ZC3H12B: variants seen among roughly 807,000 people sequenced by gnomAD.
ZC3H12B encodes the protein zinc finger CCCH-type containing 12B, also known as probable ribonuclease ZC3H12B.
ZC3H12B carries 7 observed loss-of-function variants against 43.9 expected under a neutral mutation model. The ratio of observed to expected loss-of-function variants is 0.16; its 90% CI spans 0.09 to 0.30. ZC3H12B has a LOEUF of 0.30. ZC3H12B is among the 10% of genes least tolerant of loss of function. The pLI, the probability that ZC3H12B is intolerant of heterozygous loss-of-function variation, is 1.00. For missense variants in ZC3H12B, 475 were observed against 670.2 expected, an observed-to-expected ratio of 0.71 and a Z score of 3.22; for synonymous variants, 222 against 241.7, an observed-to-expected ratio of 0.92 and a Z score of 0.76.
At chrX:65,496,128 CT>C (rs2068276930) in intron 1 of ZC3H12B, among the ~76,000 whole-genome samples, 1 of 112,114 alleles carries the variant, frequency 8.9e-6, no homozygotes, top group Non-Finnish European at 1.9e-5. Context: ...TTTTTCTAAG[CT>C]TATACATAGG....
the ZC3H12B span, among the ~76,000 whole-genome samples, chrX:65,168,131 C>T: frequency 1.8e-5 from 2 of 111,532 alleles, no homozygotes; most frequent in East Asian, 5.6e-4. Flanking sequence ...AAAGGGAATG[C>T]TTCCAGTTTT....
chrX:65,171,759 G>A, the ZC3H12B span, among the ~76,000 whole-genome samples: 1 of 110,908 alleles, frequency 9.0e-6, no homozygotes, highest in African/African-American at 3.3e-5. Context: ...CCCTCCCCCA[G>A]TCTTGCTTCC....
At chrX:65,452,016 A>G (rs1427619328) in intron 3 of ZC3H12B, among the ~76,000 whole-genome samples, 6 of 111,614 alleles carry the variant, frequency 5.4e-5, no homozygotes, top group Admixed American at 1.9e-4. Flanking sequence ...TTGAAATGAG[A>G]TTTCAAAGTA....
chrX:65,436,154 G>C (rs1381028642), intron 3 of ZC3H12B, among the ~76,000 whole-genome samples: 1 of 111,581 alleles, frequency 9.0e-6, no homozygotes, highest in African/African-American at 3.3e-5. Flanking sequence ...AGAGAGTAAA[G>C]AGGGAAGTAC....
rs1367725885 is a variant in ZC3H12B at position 65,446,345 on chromosome X, T to C, written n.408-42301T>C. On this transcript the variant is annotated intron_variant and non_coding_transcript_variant, in intron 3 of 5. Transcript: ENST00000617377. Reference sequence around the variant, plus strand: ...GTGACACAAGCACTATCTTGGCTGTTCCCGCTGGTGTCTTACTGGGTCACA... The same window carrying C: ...GTGACACAAGCACTATCTTGGCTGTCCCCGCTGGTGTCTTACTGGGTCACA... Among the ~76,000 whole-genome samples the C allele has an allele frequency of 5.4e-5, 6 of 111,901 alleles. No individual in the cohort carries two copies. The East Asian group carries it at 1.4e-3, about 26-fold the overall frequency.
the ZC3H12B span, among the ~76,000 whole-genome samples, chrX:65,123,197 G>GT: frequency 1.1e-5 from 1 of 88,314 alleles, no homozygotes; most frequent in African/African-American, 1.2e-4. Context: ...TGTGGTTTTT[G>GT]TCTTGGTTCT....
At chrX:65,035,805 C>T in the ZC3H12B span, among the ~76,000 whole-genome samples, 5 of 111,448 alleles carry the variant, frequency 4.5e-5, no homozygotes, top group African/African-American at 1.3e-4. Context: ...CTGACATGTA[C>T]GTTAGGAAGA....
the ZC3H12B span, among the ~76,000 whole-genome samples, chrX:65,253,788 A>T: frequency 8.9e-6 from 1 of 111,929 alleles, no homozygotes; most frequent in African/African-American, 3.2e-5. Flanking sequence ...AGAGTGGCCC[A>T]CACAGATGTG....
intron 3 of ZC3H12B, among the ~76,000 whole-genome samples, chrX:65,409,560 A>T (rs2066878357): frequency 2.4e-5 from 2 of 84,677 alleles, no homozygotes; most frequent in South Asian, 1.1e-3. Flanking sequence ...AAGACTCCAC[A>T]CACACACACA....
At chrX:65,309,177 A>AC in the ZC3H12B span, among the ~76,000 whole-genome samples, 9 of 110,214 alleles carry the variant, frequency 8.2e-5, no homozygotes, top group African/African-American at 2.7e-4. Flanking sequence ...AAAAAAAAAA[A>AC]CCCTTCAAAA....
intron 2 of ZC3H12B, among the ~76,000 whole-genome samples, chrX:65,498,350 C>T (rs1344579397): frequency 9.0e-6 from 1 of 111,675 alleles, no homozygotes; most frequent in Non-Finnish European, 1.9e-5. Flanking sequence ...GCCTGATGTG[C>T]CTAATGAGAA....
chrX:65,346,183 C>T, the ZC3H12B span, among the ~76,000 whole-genome samples: 12 of 108,593 alleles, frequency 1.1e-4, no homozygotes, highest in Non-Finnish European at 1.7e-4. Context: ...GCAAAAAGAA[C>T]AAACCCAGAA....
chrX:65,451,157 C>T (rs1376264716), intron 3 of ZC3H12B, among the ~76,000 whole-genome samples: 1 of 110,178 alleles, frequency 9.1e-6, no homozygotes, highest in East Asian at 2.8e-4. Flanking sequence ...ACCGTGTTAG[C>T]CAAGCTGGTC....
At chrX:65,076,521 A>C in the ZC3H12B span, among the ~76,000 whole-genome samples, 2 of 111,566 alleles carry the variant, frequency 1.8e-5, no homozygotes, top group African/African-American at 6.5e-5. Flanking sequence ...TCTGATGATA[A>C]CACAGTTGTC....
intron 3 of ZC3H12B, among the ~76,000 whole-genome samples, chrX:65,472,168 G>A (rs1174767828): frequency 9.0e-6 from 1 of 111,641 alleles, no homozygotes; most frequent in Non-Finnish European, 1.9e-5. Context: ...TAAGGTTTCT[G>A]CTGAGTATAT....
At chrX:65,293,452 C>T in the ZC3H12B span, among the ~76,000 whole-genome samples, 9 of 110,350 alleles carry the variant, frequency 8.2e-5, no homozygotes, top group African/African-American at 3.0e-4. Context: ...GTGTATTTAA[C>T]ACACCCCGAG....
chrX:65,385,670 T>G (rs1279596745), intron 2 of ZC3H12B, among the ~76,000 whole-genome samples: 1 of 111,627 alleles, frequency 9.0e-6, no homozygotes, highest in Non-Finnish European at 1.9e-5. Context: ...GGCCAGAAAT[T>G]CCAACACTGT....
the ZC3H12B span, among the ~76,000 whole-genome samples, chrX:65,164,659 G>A: frequency 8.9e-6 from 1 of 112,047 alleles, no homozygotes; most frequent in Non-Finnish European, 1.9e-5. Context: ...TATAAGGTTA[G>A]AAGCAAGGTG....
the ZC3H12B span, among the ~76,000 whole-genome samples, chrX:65,205,124 A>T: frequency 2.7e-5 from 3 of 112,120 alleles, no homozygotes; most frequent in African/African-American, 9.7e-5. Context: ...TTCAGTTTTG[A>T]TGAGTACTTA....
Sources: allele counts gnomAD v4.1 joint callset (sites outside exome capture counted in the v4.1 genomes callset), GRCh38; gene constraint gnomAD v4.1.1; transcripts MANE v1.5; gene names NCBI Gene and HGNC (gene_info 2026-07-23, HGNC 2026-07-21).